The following PRKD1 variants were observed in gnomAD, a reference collection of about 807,000 sequenced individuals.
The protein encoded by PRKD1 is serine/threonine-protein kinase D1.
In PRKD1, 63 loss-of-function variants were observed where a neutral mutation model predicts 95.9. That is an observed-to-expected ratio of 0.66 (90% CI 0.54 to 0.81). The LOEUF is 0.81. Among genes scored for constraint, PRKD1 ranks in the 30% least tolerant of loss-of-function variants. PRKD1 has a pLI of 0.00. For missense variants in PRKD1, 1,048 were observed against 1,165.3 expected, an observed-to-expected ratio of 0.90 and a Z score of 1.47; for synonymous variants, 425 against 423.1, an observed-to-expected ratio of 1.00 and a Z score of -0.05.
intron 1 of PRKD1, among the ~76,000 whole-genome samples, chr14:29,787,737 T>C (rs1014998109): frequency 2.0e-5 from 3 of 152,118 alleles, no homozygotes; most frequent in Non-Finnish European, 4.4e-5. Flanking sequence ...TTCTCATAGG[T>C]GAAGAAAGCT....
At chr14:29,666,328 A>G in intron 2 of PRKD1, 120 bp from the exon 3 acceptor site, 1 of 1,075,706 alleles carries the variant, frequency 9.3e-7, no homozygotes, top group Non-Finnish European at 1.3e-6. Context: ...GTTAGGGAAG[A>G]TAAGATGCAA....
chr14:29,757,288 C>A (rs549560248), intron 1 of PRKD1, among the ~76,000 whole-genome samples: 9 of 152,220 alleles, frequency 5.9e-5, no homozygotes, highest in African/African-American at 2.2e-4. Flanking sequence ...AAAGTTATTT[C>A]CTGCTTTTGA....
chr14:29,690,822 A>G (rs1268637680), intron 2 of PRKD1, among the ~76,000 whole-genome samples: 1 of 152,118 alleles, frequency 6.6e-6, no homozygotes, highest in East Asian at 1.9e-4. Flanking sequence ...GAATACCCCC[A>G]TTCTTACATT....
At position 29,585,450 on chromosome 14, in the gene PRKD1, T is replaced by A. The variant is rs553620589; in HGVS notation, c.2435-7090A>T. 5.9e-5 allele frequency among the ~76,000 whole-genome samples: 9 copies of A among 152,316 alleles called. No homozygotes were observed. The South Asian group carries it at 1.4e-3, about 25-fold the overall frequency. ...CTCCTTTGCTTTTCATCCAATTTCA[T>A]TTCCTCCTGAAAACTGGGGATATGA... On this transcript the variant is annotated intron_variant, in intron 16 of 17. Coordinates refer to ENST00000331968, the MANE Select transcript of PRKD1 (RefSeq NM_002742.3).
At chr14:29,908,165 C>T (rs1397980516) in intron 1 of PRKD1, among the ~76,000 whole-genome samples, 1 of 150,290 alleles carries the variant, frequency 6.7e-6, no homozygotes. Flanking sequence ...AACTTATGCA[C>T]TTGCACTTTT....
At chr14:29,672,159 A>G (rs1406531923) in intron 2 of PRKD1, among the ~76,000 whole-genome samples, 1 of 151,830 alleles carries the variant, frequency 6.6e-6, no homozygotes, top group Non-Finnish European at 1.5e-5. Flanking sequence ...TGGCTAACAC[A>G]GTGAAACCCT....
chr14:29,864,888 T>C lies in PRKD1; in HGVS notation c.264+62361A>G, dbSNP rs45553731. Among the ~76,000 whole-genome samples, 448 of 152,268 alleles carry C rather than the reference T, an allele frequency of 2.9e-3. 4 individuals carry two copies. The highest frequency in any genetic ancestry group is 4.8e-3 in the Non-Finnish European group (325 of 68,016). On this transcript the variant is annotated intron_variant, in intron 1 of 17. Coordinates refer to ENST00000331968, the MANE Select transcript of PRKD1 (RefSeq NM_002742.3). ...CAGTTTGCTGGAAGATGCTCCTGAA[T>C]TGTTTATAGGTCTAATCTTTAAGCC...
At chr14:29,627,152 A>G (rs1879683343) in intron 11 of PRKD1, among the ~76,000 whole-genome samples, 4 of 152,266 alleles carry the variant, frequency 2.6e-5, no homozygotes, top group African/African-American at 9.6e-5. Context: ...AATGTGATTT[A>G]CTATAAGTAT....
At chr14:29,733,485 A>G (rs1242198062) in intron 1 of PRKD1, among the ~76,000 whole-genome samples, 1 of 152,116 alleles carries the variant, frequency 6.6e-6, no homozygotes, top group Non-Finnish European at 1.5e-5. Context: ...ATAAAGAAAT[A>G]CCTGAGGCTG....
intron 1 of PRKD1, among the ~76,000 whole-genome samples, chr14:29,745,862 A>G (rs1160087336): frequency 6.6e-6 from 1 of 152,158 alleles, no homozygotes; most frequent in Non-Finnish European, 1.5e-5. Context: ...TTGTATCTGG[A>G]GACATTTTAA....
chr14:29,927,530 G>T lies in PRKD1; in HGVS notation c.-18C>A. 7 of 1,159,884 alleles carry T rather than the reference G, an allele frequency of 6.0e-6. No homozygotes were observed. Among genetic ancestry groups the T allele is most frequent in the Non-Finnish European group, 7.4e-6 (7 of 943,092 alleles). The allele number at this position is 1,159,884 out of a possible 1,614,324, so 71.8% of individuals were successfully genotyped here. A position where few individuals can be genotyped will look rare whatever the true frequency, so the allele number is the denominator to read the frequency against. On this transcript the variant is annotated 5_prime_UTR_variant, in exon 1 of 18. Coordinates refer to ENST00000331968, the MANE Select transcript of PRKD1 (RefSeq NM_002742.3). ...GCGCTCATCGCTCGGCGGGGCGCAG[G>T]GCCGGGCAGCGGAGGGCGGGGGCTG...
chr14:29,732,053 A>G (rs1490174953), intron 1 of PRKD1, among the ~76,000 whole-genome samples: 6 of 151,740 alleles, frequency 4.0e-5, no homozygotes, highest in African/African-American at 1.5e-4. Flanking sequence ...TTGTATTTTT[A>G]GTAGAGATGG....
At chr14:29,648,903 C>T (rs1359272112) in intron 4 of PRKD1, among the ~76,000 whole-genome samples, 1 of 152,124 alleles carries the variant, frequency 6.6e-6, no homozygotes, top group East Asian at 1.9e-4. Context: ...ATCCGCCCGC[C>T]TTGGCCTCCC....
chr14:29,876,805 C>T (rs1290683785), intron 1 of PRKD1, among the ~76,000 whole-genome samples: 1 of 151,722 alleles, frequency 6.6e-6, no homozygotes, highest in Non-Finnish European at 1.5e-5. Context: ...CACAAATAGA[C>T]AACACATGAA....
At chr14:29,673,083 A>AC (rs1278857889) in intron 2 of PRKD1, among the ~76,000 whole-genome samples, 1 of 152,212 alleles carries the variant, frequency 6.6e-6, no homozygotes, top group Non-Finnish European at 1.5e-5. Context: ...GGCTGCTGCA[A>AC]AACATCTGCT....
In PRKD1 at chr14:29,626,419, T is replaced by C. The variant is rs181086628; in HGVS notation, c.1798+65A>G. On this transcript the variant is annotated intron_variant, in intron 12 of 17. Coordinates refer to ENST00000331968, the MANE Select transcript of PRKD1 (RefSeq NM_002742.3). Reference sequence around the variant, plus strand: ...CTCTTCTATGTTTTTCCTGTAAATATCGCTTTTTAAAATATAACTAGCAAA... The same window carrying C: ...CTCTTCTATGTTTTTCCTGTAAATACCGCTTTTTAAAATATAACTAGCAAA... 1,430 of 1,272,098 alleles carry C rather than the reference T, an allele frequency of 1.1e-3. 3 individuals are homozygous for C. The highest frequency in any genetic ancestry group is 1.5e-3 in the Non-Finnish European group (1,284 of 878,726). The allele number at this position is 1,272,098 out of a possible 1,614,324, so 78.8% of individuals were successfully genotyped here. A position where few individuals can be genotyped will look rare whatever the true frequency, so the allele number is the denominator to read the frequency against.
chr14:29,682,385 A>G (rs978754695), intron 2 of PRKD1, among the ~76,000 whole-genome samples: 1 of 152,190 alleles, frequency 6.6e-6, no homozygotes, highest in African/African-American at 2.4e-5. Flanking sequence ...AAGCCTCCCT[A>G]CTACTTACAG....
At chr14:29,870,328 A>G (rs991481917) in intron 1 of PRKD1, among the ~76,000 whole-genome samples, 3 of 152,192 alleles carry the variant, frequency 2.0e-5, no homozygotes, top group South Asian at 2.1e-4. Flanking sequence ...ATGCAGTCCA[A>G]TATGTATATT....
rs1566523331 is a variant in PRKD1 at position 29,663,705 on chromosome 14, G to T, written c.690C>A (p.Pro230=). The T allele has an allele frequency of 6.2e-7, 1 of 1,613,658 alleles. No homozygotes were observed. The change falls in exon 4 of 18, where the codon CCC becomes CCA. Residue 230 remains proline, a synonymous_variant. Transcript: ENST00000331968. The part of the protein sequence containing the change: ...AELSTSAPDE[P]LLQKSPSESF... ...GGTAAACAGGAAGCCATACCAGAAGGGGCTCATCAGGGGCACTTGTAGAGA... is the reference window on the plus strand; with the variant it reads ...GGTAAACAGGAAGCCATACCAGAAGTGGCTCATCAGGGGCACTTGTAGAGA...
Sources: gnomAD v4.1 joint callset for allele counts (sites outside exome capture counted in the v4.1 genomes callset) on GRCh38, gnomAD v4.1.1 for gene constraint, MANE v1.5 for transcripts, NCBI Gene and HGNC (gene_info 2026-07-23, HGNC 2026-07-21) for gene names.